The following B3GALT1 variants were observed in gnomAD, a reference collection of about 807,000 sequenced individuals.
The protein encoded by B3GALT1 is UDP-Gal:betaGlcNAc beta 1,3-galactosyltransferase, polypeptide 1.
Under a neutral mutation model 23.2 loss-of-function variants are expected in B3GALT1, and 10 were observed. The observed-to-expected ratio is 0.43, with a 90% CI of 0.27 to 0.73. B3GALT1 has a LOEUF of 0.73. Among genes scored for constraint, B3GALT1 ranks in the 30% least tolerant of loss-of-function variants. B3GALT1 has a pLI of 0.21. For missense variants in B3GALT1, 299 were observed against 405.4 expected (o/e 0.74, Z 2.25); for synonymous variants, 156 against 141.5 (o/e 1.10, Z -0.73).
chr2:167,414,837 A>G lies in B3GALT1; in HGVS notation c.-510-75340A>G, dbSNP rs112949445. The stretch of plus-strand genomic sequence containing the variant: ...TCACAAATATTGTGAAATATTAACA[A>G]TCTCAGTAGCCGTAGGTATGATGTT... On this transcript the variant is annotated intron_variant, in intron 1 of 4. Transcript: ENST00000392690. Among the ~76,000 whole-genome samples the G allele has an allele frequency of 7.5e-3, 1,146 of 152,262 alleles. 16 individuals carry two copies. Among genetic ancestry groups the G allele is most frequent in the African/African-American group, 0.025 (1,038 of 41,552 alleles).
At chr2:167,714,964 T>A in intron 3 of B3GALT1, 1 of 1,611,674 alleles carries the variant, frequency 6.2e-7, no homozygotes, top group East Asian at 2.2e-5. Flanking sequence ...AATATATGTT[T>A]TCTGACTGCA....
At chr2:167,789,882 C>A (rs1437678762) in intron 3 of B3GALT1, among the ~76,000 whole-genome samples, 1 of 152,124 alleles carries the variant, frequency 6.6e-6, no homozygotes, top group Non-Finnish European at 1.5e-5. Context: ...ACAGTGTCTT[C>A]AAATCTGCAG....
At chr2:167,503,713 C>T (rs1699879340) in intron 2 of B3GALT1, among the ~76,000 whole-genome samples, 1 of 152,188 alleles carries the variant, frequency 6.6e-6, no homozygotes, top group African/African-American at 2.4e-5. Flanking sequence ...CTGACCACCT[C>T]ACTCCAGAGC....
chr2:167,589,983 A>G (rs1684646582), intron 2 of B3GALT1, among the ~76,000 whole-genome samples: 1 of 152,046 alleles, frequency 6.6e-6, no homozygotes, highest in African/African-American at 2.4e-5. Context: ...CCATTGCCTA[A>G]TTTGATTATC....
chr2:167,535,098 C>T (rs1683393810), intron 2 of B3GALT1, among the ~76,000 whole-genome samples: 1 of 152,100 alleles, frequency 6.6e-6, no homozygotes, highest in Non-Finnish European at 1.5e-5. Context: ...AAGTCCCATT[C>T]CCTTGATGAA....
At chr2:167,733,362 G>C (rs374186489) in intron 3 of B3GALT1, among the ~76,000 whole-genome samples, 1 of 152,108 alleles carries the variant, frequency 6.6e-6, no homozygotes. Flanking sequence ...GGACAGCTTT[G>C]AATGCGGCCC....
chr2:167,559,589 C>A (rs1005588881), intron 2 of B3GALT1, among the ~76,000 whole-genome samples: 1 of 152,058 alleles, frequency 6.6e-6, no homozygotes, highest in East Asian at 1.9e-4. Flanking sequence ...GCTGGAATAA[C>A]CAATACAGAG....
At chr2:167,671,959 A>T (rs1431505024) in intron 3 of B3GALT1, among the ~76,000 whole-genome samples, 1 of 152,160 alleles carries the variant, frequency 6.6e-6, no homozygotes, top group East Asian at 1.9e-4. Flanking sequence ...GATACCACAG[A>T]AATACAAAGG....
intron 2 of B3GALT1, among the ~76,000 whole-genome samples, chr2:167,520,760 A>C (rs1467949243): frequency 2.0e-5 from 3 of 152,146 alleles, no homozygotes. Context: ...ATGCGTTAGG[A>C]TCTTGATTCC....
intron 3 of B3GALT1, among the ~76,000 whole-genome samples, chr2:167,808,886 C>G (rs1688819315): frequency 6.6e-6 from 1 of 152,206 alleles, no homozygotes; most frequent in Non-Finnish European, 1.5e-5. Flanking sequence ...TGTTTTCCAA[C>G]TTGGTTCCAT....
At chr2:167,585,176 G>A (rs752300202) in intron 2 of B3GALT1, among the ~76,000 whole-genome samples, 31 of 152,264 alleles carry the variant, frequency 2.0e-4, no homozygotes, top group Non-Finnish European at 3.1e-4. Context: ...CAGGAAACAG[G>A]AGAAAGACCG....
At chr2:167,696,879 G>T (rs1686799714) in intron 3 of B3GALT1, among the ~76,000 whole-genome samples, 1 of 152,158 alleles carries the variant, frequency 6.6e-6, no homozygotes, top group Non-Finnish European at 1.5e-5. Flanking sequence ...TGGGGACTTA[G>T]TATCCCTGGG....
chr2:167,799,677 G>A (rs776232952), intron 3 of B3GALT1, among the ~76,000 whole-genome samples: 3 of 152,110 alleles, frequency 2.0e-5, no homozygotes, highest in Non-Finnish European at 2.9e-5. Flanking sequence ...CATTAAACCC[G>A]ATTTTAAGTT....
At chr2:167,534,973 T>C (rs1483359997) in intron 2 of B3GALT1, among the ~76,000 whole-genome samples, 6 of 152,274 alleles carry the variant, frequency 3.9e-5, no homozygotes, top group Non-Finnish European at 1.5e-5. Flanking sequence ...AAAGTCATCT[T>C]GGAGGAGTAT....
chr2:167,661,132 C>T (rs980357274), intron 3 of B3GALT1, among the ~76,000 whole-genome samples: 3 of 152,080 alleles, frequency 2.0e-5, no homozygotes, highest in African/African-American at 7.2e-5. Context: ...ATCATTCATC[C>T]TACAAAAGAA....
In B3GALT1 at chr2:167,872,432, T is replaced by A. The variant is rs1690371161; in HGVS notation, c.*2412T>A. On this transcript the variant is annotated 3_prime_UTR_variant, in exon 5 of 5. Coordinates refer to ENST00000392690, the MANE Select transcript of B3GALT1 (RefSeq NM_020981.4). ...ATTAGACAATAGCAATTAGGTAACC[T>A]GGGGAGAGATGGATCAGCACAAGGT... The A allele has an allele frequency of 6.6e-6, 1 of 152,194 alleles. No homozygotes were observed. The highest frequency in any genetic ancestry group is 2.1e-4 in the South Asian group (1 of 4,830). The allele number at this position is 152,194 out of a possible 1,614,324, so 9.4% of individuals were successfully genotyped here. A position where few individuals can be genotyped will look rare whatever the true frequency, so the allele number is the denominator to read the frequency against.
intron 3 of B3GALT1, among the ~76,000 whole-genome samples, chr2:167,799,852 TTGTGAAA>T (rs144325773): frequency 0.034 from 5,164 of 152,296 alleles, 112 homozygotes; most frequent in Non-Finnish European, 0.05. Context: ...CCTAATTACT[TTGTGAAA>T]TGTGAAATGT....
chr2:167,797,654 T>C (rs1688566140), intron 3 of B3GALT1, among the ~76,000 whole-genome samples: 1 of 152,140 alleles, frequency 6.6e-6, no homozygotes, highest in Non-Finnish European at 1.5e-5. Flanking sequence ...TTTCTTGACT[T>C]TTAATAGTCG....
intron 1 of B3GALT1, among the ~76,000 whole-genome samples, chr2:167,487,256 C>T (rs1488168692): frequency 6.6e-6 from 1 of 152,176 alleles, no homozygotes; most frequent in South Asian, 2.1e-4. Flanking sequence ...AGCCCAAACC[C>T]TAAATTGTCT....
Sources: allele counts gnomAD v4.1 joint callset (sites outside exome capture counted in the v4.1 genomes callset), GRCh38; gene constraint gnomAD v4.1.1; transcripts MANE v1.5; gene names NCBI Gene and HGNC (gene_info 2026-07-23, HGNC 2026-07-21).